The following ABCA3 variants were observed in gnomAD, a reference collection of about 807,000 sequenced individuals.
ABCA3 encodes the protein ATP binding cassette subfamily A member 3, also known as phospholipid-transporting ATPase ABCA3.
In ABCA3, 88 loss-of-function variants were observed where a neutral mutation model predicts 172.8. The observed-to-expected ratio is 0.51, with a 90% CI of 0.43 to 0.61. The LOEUF is 0.61. Ranked by LOEUF, ABCA3 falls within the 20% of genes least tolerant of loss-of-function variation. The pLI, the probability that ABCA3 is intolerant of heterozygous loss-of-function variation, is 0.00. For missense variants in ABCA3, 2,164 were observed against 2,301.0 expected, an observed-to-expected ratio of 0.94 and a Z score of 1.22; for synonymous variants, 1,066 against 983.8, an observed-to-expected ratio of 1.08 and a Z score of -1.56.
chr16:2,285,562 G>C lies in ABCA3; in HGVS notation c.3363C>G (p.Ser1121Arg). ...LASTFSILAVSERAVQAKHVQ... is the reference protein window; with the variant it reads ...LASTFSILAVRERAVQAKHVQ... The stretch of plus-strand genomic sequence containing the variant: ...CATGCTTGGCCTGCACGGCCCTCTC[G>C]CTGACCGCCAGGATGGAGAACGTGC... Residue 1121 changes from serine (S) to arginine (R), a missense_variant, in exon 23 of 33, where the codon AGC (serine) becomes AGG (arginine). By Grantham distance (110) the Ser-to-Arg change is moderately radical. This residue lies in a region of ABCA3 where 795 missense variants were observed against 881.9 expected (regional missense o/e 0.90). Coordinates refer to ENST00000301732, the MANE Select transcript of ABCA3 (RefSeq NM_001089.3). The surrounding 1 kb of genome is among the most constrained non-coding windows in gnomAD (Gnocchi z 4.7). 1 of 1,582,090 alleles carries C rather than the reference G, an allele frequency of 6.3e-7. No individual in the cohort carries two copies. The highest frequency in any genetic ancestry group is 8.6e-7 in the Non-Finnish European group (1 of 1,163,668).
At position 2,297,329 on chromosome 16, in the gene ABCA3, C is replaced by G. The variant is rs780830278; in HGVS notation, c.2263G>C (p.Gly755Arg). ...GTCGCGGGCTGGCCCCACCGCTCAC[C>G]GTATTTCTGCTTGAGGAACAGCGAG... ...GSSLFLKQKYGAGYHMTLVKE... is the reference protein window; with the variant it reads ...GSSLFLKQKYRAGYHMTLVKE... Residue 755 changes from glycine to arginine, a missense_variant and splice_region_variant, in exon 17 of 33, where the codon GGT (glycine) becomes CGT (arginine). This residue lies in a region of ABCA3 where 1,343 missense variants were observed against 1,369.6 expected (regional missense o/e 0.98). Transcript: ENST00000301732. The surrounding 1 kb of genome is among the most constrained non-coding windows in gnomAD (Gnocchi z 5.6). The G allele has an allele frequency of 6.2e-7, 1 of 1,610,484 alleles. No individual in the cohort carries two copies. Among genetic ancestry groups the G allele is most frequent in the Non-Finnish European group, 8.5e-7 (1 of 1,179,932 alleles).
At position 2,287,393 on chromosome 16, in the gene ABCA3, C is replaced by A. The variant is rs555786018; in HGVS notation, c.3005-426G>T. Among the ~76,000 whole-genome samples the A allele has an allele frequency of 5.9e-5, 9 of 152,242 alleles. No homozygotes were observed. The East Asian group carries it at 1.5e-3, about 26-fold the overall frequency. ...CGCCCAGGTTCAAGCCATTCTCCTG[C>A]CTCAGCCTCCAGAGTAGCTGGGATT... is the stretch of plus-strand genomic sequence containing the variant. On this transcript the variant is annotated intron_variant, in intron 21 of 32. Transcript: ENST00000301732. This position sits in a 1 kb window ranked among gnomAD's most constrained non-coding sequence, Gnocchi z 4.1.
At chr16:2,317,511 A>T (rs758243130) in intron 9 of ABCA3, 108 bp from the exon 10 acceptor site, 2 of 1,580,488 alleles carry the variant, frequency 1.3e-6, no homozygotes, top group Non-Finnish European at 1.7e-6. Context: ...GAGGAGTGGG[A>T]CATTGACAGC....
intron 1 of ABCA3, among the ~76,000 whole-genome samples, chr16:2,336,937 G>C (rs1180274469): frequency 6.6e-6 from 1 of 151,098 alleles, no homozygotes; most frequent in African/African-American, 2.4e-5. Flanking sequence ...GTTAGAGACA[G>C]GGTCTTGCTC....
intron 17 of ABCA3, among the ~76,000 whole-genome samples, chr16:2,296,056 G>A (rs928023111): frequency 2.6e-5 from 4 of 152,194 alleles, no homozygotes; most frequent in African/African-American, 9.7e-5. Context: ...GACGGACCAC[G>A]TGTGAGGGCT....
In ABCA3 at chr16:2,308,638, A is replaced by T; in HGVS notation, c.1112-15T>A. The T allele has an allele frequency of 6.2e-7, 1 of 1,613,640 alleles. No homozygotes were observed. Among genetic ancestry groups the T allele is most frequent in the Non-Finnish European group, 8.5e-7 (1 of 1,179,734 alleles). ...TGCCATGTTGGCTGCAGGTGTTGGA[A>T]GACCCGGGGGGCGTGAGCGTCAGTG... On this transcript the variant is annotated splice_polypyrimidine_tract_variant and intron_variant, in intron 10 of 32. Transcript: ENST00000301732.
At chr16:2,294,128 C>T (rs1331722880) in intron 18 of ABCA3, among the ~76,000 whole-genome samples, 1 of 151,034 alleles carries the variant, frequency 6.6e-6, no homozygotes, top group East Asian at 2.0e-4. Context: ...AGTGATTCTC[C>T]TGCCTCAGCC....
At position 2,286,971 on chromosome 16, in the gene ABCA3, G is replaced by A. The variant is rs775769276; in HGVS notation, c.3005-4C>T. The A allele has an allele frequency of 1.2e-6, 2 of 1,612,202 alleles. No individual in the cohort carries two copies. The highest frequency in any genetic ancestry group is 1.1e-5 in the South Asian group (1 of 90,906). On this transcript the variant is annotated splice_region_variant and splice_polypyrimidine_tract_variant and intron_variant, in intron 21 of 32. Coordinates refer to ENST00000301732, the MANE Select transcript of ABCA3 (RefSeq NM_001089.3). This position sits in a 1 kb window ranked among gnomAD's most constrained non-coding sequence, Gnocchi z 5.2. The stretch of plus-strand genomic sequence containing the variant: ...ATCAAGAACTCCTCCAGGTCACCTG[G>A]GGAGCAATGGCAGAGTCAGGGGACA...
chr16:2,299,625 G>A (rs1490244826), intron 13 of ABCA3, 93 bp from the exon 14 acceptor site: 3 of 1,585,104 alleles, frequency 1.9e-6, no homozygotes, highest in African/African-American at 1.3e-5. Flanking sequence ...CGTCTCAGAA[G>A]GAACCAAGCC....
intron 10 of ABCA3, among the ~76,000 whole-genome samples, chr16:2,314,580 A>AT (rs35518923): frequency 0.16 from 22,851 of 147,012 alleles, 2,207 homozygotes; most frequent in East Asian, 0.39. Flanking sequence ...CACAATGGTA[A>AT]TTTTTTTTTT....
intron 1 of ABCA3, among the ~76,000 whole-genome samples, chr16:2,334,583 C>T (rs2093748765): frequency 6.7e-6 from 1 of 149,592 alleles, no homozygotes; most frequent in Admixed American, 6.7e-5. Flanking sequence ...CCGATCTTGG[C>T]TCAATGCAAC....
chr16:2,301,088 G>C (rs991454318), intron 12 of ABCA3, among the ~76,000 whole-genome samples: 1 of 150,370 alleles, frequency 6.7e-6, no homozygotes, highest in Non-Finnish European at 1.5e-5. Context: ...AAAATTAGCC[G>C]GGCGTGGTGG....
rs374902228 is a variant in ABCA3, at chr16:2,279,009, C to G, written c.4481G>C (p.Cys1494Ser). Residue 1494 changes from cysteine (C) to serine (S), a missense_variant, in exon 29 of 33, where the codon TGC (cysteine) becomes TCC (serine). Coordinates refer to ENST00000301732, the MANE Select transcript of ABCA3 (RefSeq NM_001089.3). The surrounding 1 kb of genome is among the most constrained non-coding windows in gnomAD (Gnocchi z 4.4). ...CAGGCCCCGCAGAGTGTTCTCCACGCAGGCCCCGATGTGGCGCTCAGGGAT... is the reference window on the plus strand; with the variant it reads ...CAGGCCCCGCAGAGTGTTCTCCACGGAGGCCCCGATGTGGCGCTCAGGGAT... ...RGIPERHIGA[C>S]VENTLRGLLL... 1 of 1,613,476 alleles carries G rather than the reference C, an allele frequency of 6.2e-7. No individual in the cohort carries two copies. The highest frequency in any genetic ancestry group is 1.3e-5 in the African/African-American group (1 of 74,942).
intron 1 of ABCA3, among the ~76,000 whole-genome samples, chr16:2,336,247 G>A (rs886597759): frequency 2.6e-5 from 4 of 152,064 alleles, no homozygotes; most frequent in African/African-American, 9.7e-5. Flanking sequence ...TTCAACACCA[G>A]AATCTCCACC....
chr16:2,284,139 TG>T lies in ABCA3; in HGVS notation c.3862+139del. On this transcript the variant is annotated intron_variant, in intron 25 of 32. Transcript: ENST00000301732. This position sits in a 1 kb window ranked among gnomAD's most constrained non-coding sequence, Gnocchi z 5.9. ...GGCGCGAGGGGGCTGCTGTGGGAGGTGGGGCAAGGCGGTACAGAGGAACGCA... is the reference window on the plus strand; with the variant it reads ...GGCGCGAGGGGGCTGCTGTGGGAGGTGGGCAAGGCGGTACAGAGGAACGCA... 1.8e-6 allele frequency: 2 copies of T among 1,107,982 alleles called. No homozygotes were observed. The highest frequency in any genetic ancestry group is 2.5e-6 in the Non-Finnish European group (2 of 800,190). 68.6% of individuals were successfully genotyped at this position (1,107,982 alleles called of 1,614,324 possible). A position where few individuals can be genotyped will look rare whatever the true frequency, so the allele number is the denominator to read the frequency against.
intron 12 of ABCA3, among the ~76,000 whole-genome samples, chr16:2,301,523 A>G (rs2093689441): frequency 6.6e-6 from 1 of 152,128 alleles, no homozygotes; most frequent in South Asian, 2.1e-4. Flanking sequence ...CCTGGCCAAC[A>G]TGGCGAAACC....
chr16:2,323,689 C>T lies in ABCA3; in HGVS notation c.448-1G>A. ...AACTGAACCGTAGGTGATATTTCAC[C>T]TGTGGAAACAAAGAGAAAACCAGCT... is the stretch of plus-strand genomic sequence containing the variant. On this transcript the variant is annotated splice_acceptor_variant, in intron 6 of 32. Transcript: ENST00000301732. LOFTEE classifies it high-confidence loss of function. 1 of 1,614,092 alleles carries T rather than the reference C, an allele frequency of 6.2e-7. No individual in the cohort carries two copies.
At chr16:2,308,153 G>A (rs1435041011) in intron 11 of ABCA3, among the ~76,000 whole-genome samples, 3 of 152,240 alleles carry the variant, frequency 2.0e-5, no homozygotes, top group African/African-American at 7.2e-5. Context: ...CGTATGTGGT[G>A]CCAACGCTGC....
At chr16:2,332,631 C>T in intron 1 of ABCA3, 1 of 1,600,894 alleles carries the variant, frequency 6.2e-7, no homozygotes, top group Non-Finnish European at 8.5e-7. Context: ...GCGGCTCAAT[C>T]TTCTCCAGGG....
Sources: allele counts gnomAD v4.1 joint callset (sites outside exome capture counted in the v4.1 genomes callset), GRCh38; gene constraint gnomAD v4.1.1; regional missense constraint gnomAD v4.1.1; non-coding constraint Gnocchi (gnomAD v3.1); transcripts MANE v1.5; gene names NCBI Gene and HGNC (gene_info 2026-07-23, HGNC 2026-07-21).